Variants in ANKRD62 observed in about 807,000 individuals in gnomAD.
ANKRD62 encodes ankyrin repeat domain 62.
ANKRD62 carries 61 observed loss-of-function variants against 98.8 expected under a neutral mutation model. That is an observed-to-expected ratio of 0.62 (90% CI 0.50 to 0.76). The LOEUF (loss-of-function observed/expected upper bound fraction) is 0.76. Ranked by LOEUF, ANKRD62 falls within the 30% of genes least tolerant of loss-of-function variation. The pLI is 0.00. For synonymous variants in ANKRD62, 341 were observed against 367.9 expected (o/e 0.93, Z 0.84); for missense variants, 933 against 1,082.9 (o/e 0.86, Z 1.94).
chr18:12,168,517 A>G, the ANKRD62 span, among the ~76,000 whole-genome samples: 2 of 152,328 alleles, frequency 1.3e-5, no homozygotes, highest in South Asian at 2.1e-4. Context: ...TACCATTACC[A>G]TGCTGTTCTG....
rs780949882 is a variant in ANKRD62 at position 12,122,335 on chromosome 18, A to G, written c.1273A>G (p.Thr425Ala). 2.7e-5 allele frequency: 41 copies of G among 1,535,004 alleles called. No homozygotes were observed. Among genetic ancestry groups the G allele is most frequent in the Non-Finnish European group, 3.6e-5 (41 of 1,146,502 alleles). Residue 425 changes from threonine to alanine, a missense_variant, in exon 11 of 14, where the codon ACA becomes GCA. Transcript: ENST00000587848. ...TAGCCTATCGAAAAGCAAGAATGCA[A>G]CAGCTGCATGTGGAAGATCAATAGA... is the stretch of plus-strand genomic sequence containing the variant. ...FVSLSKSKNA[T>A]AACGRSIEDQ...
the ANKRD62 span, among the ~76,000 whole-genome samples, chr18:12,181,230 CATAAATT>C: frequency 1.3e-5 from 2 of 151,668 alleles, no homozygotes; most frequent in Non-Finnish European, 2.9e-5. Context: ...ATAAAAATAC[CATAAATT>C]GTGACCAATA....
intron 1 of ANKRD62, among the ~76,000 whole-genome samples, chr18:12,094,944 G>T (rs1200574973): frequency 2.9e-5 from 4 of 135,888 alleles, no homozygotes; most frequent in Non-Finnish European, 6.4e-5. Flanking sequence ...TGCAAGGGTG[G>T]GGGTGGGGGT....
At chr18:12,165,606 G>A in the ANKRD62 span, among the ~76,000 whole-genome samples, 2 of 151,924 alleles carry the variant, frequency 1.3e-5, no homozygotes, top group East Asian at 3.9e-4. Flanking sequence ...ATTGTACTGT[G>A]TATGTCTTGA....
the ANKRD62 span, among the ~76,000 whole-genome samples, chr18:12,167,957 T>C: frequency 6.6e-6 from 1 of 152,240 alleles, no homozygotes. Flanking sequence ...TCATATGCTT[T>C]GCCCACTTTT....
At chr18:12,174,096 G>A in the ANKRD62 span, among the ~76,000 whole-genome samples, 1 of 152,166 alleles carries the variant, frequency 6.6e-6, no homozygotes, top group East Asian at 1.9e-4. Flanking sequence ...ATTCCAAGTT[G>A]CTTCCATTCT....
the ANKRD62 span, among the ~76,000 whole-genome samples, chr18:12,157,742 G>A: frequency 1.3e-5 from 2 of 152,170 alleles, no homozygotes; most frequent in African/African-American, 4.8e-5. Context: ...TTATGGACAA[G>A]GAGGAGGCTG....
chr18:12,156,169 G>A, the ANKRD62 span, among the ~76,000 whole-genome samples: 4 of 150,372 alleles, frequency 2.7e-5, no homozygotes, highest in Non-Finnish European at 5.9e-5. Context: ...CACCATAATT[G>A]GAAGCTTCCT....
At chr18:12,119,249 G>A (rs1374947721) in intron 10 of ANKRD62, among the ~76,000 whole-genome samples, 1 of 151,226 alleles carries the variant, frequency 6.6e-6, no homozygotes, top group African/African-American at 2.4e-5. Flanking sequence ...TCTGAAATTA[G>A]TAATTTGTAT....
chr18:12,168,190 T>C, the ANKRD62 span, among the ~76,000 whole-genome samples: 1 of 152,234 alleles, frequency 6.6e-6, no homozygotes, highest in Non-Finnish European at 1.5e-5. Flanking sequence ...TTTGGTGTTT[T>C]AGTCATGAAG....
At chr18:12,102,683 AT>A (rs1909329933) in intron 6 of ANKRD62, 2 of 1,021,784 alleles carry the variant, frequency 2.0e-6, no homozygotes, top group Non-Finnish European at 2.4e-6. Flanking sequence ...AGAGGAAGAC[AT>A]TTCAGATATA....
At chr18:12,095,717 C>T (rs756560864) in intron 3 of ANKRD62, 107 bp downstream of exon 3, 9 of 1,047,202 alleles carry the variant, frequency 8.6e-6, no homozygotes, top group Non-Finnish European at 1.2e-5. Flanking sequence ...AAATATATTA[C>T]GTGCAAATAT....
chr18:12,174,728 GC>G, the ANKRD62 span, among the ~76,000 whole-genome samples: 1 of 152,192 alleles, frequency 6.6e-6, no homozygotes, highest in African/African-American at 2.4e-5. Context: ...GGTGGTTTCA[GC>G]CCACTGGCTT....
the ANKRD62 span, among the ~76,000 whole-genome samples, chr18:12,168,912 A>G: frequency 6.6e-6 from 1 of 152,154 alleles, no homozygotes; most frequent in Non-Finnish European, 1.5e-5. Flanking sequence ...GAATGGAAGT[A>G]CACTCATGAT....
chr18:12,138,341 T>A, the ANKRD62 span, among the ~76,000 whole-genome samples: 1 of 152,234 alleles, frequency 6.6e-6, no homozygotes, highest in African/African-American at 2.4e-5. Context: ...TCAGTTTCCA[T>A]GTAGTTGAGC....
At chr18:12,172,246 G>T in the ANKRD62 span, among the ~76,000 whole-genome samples, 2 of 152,188 alleles carry the variant, frequency 1.3e-5, no homozygotes, top group Non-Finnish European at 2.9e-5. Flanking sequence ...CAGCTTTTCT[G>T]CTCTGGTTTC....
the ANKRD62 span, among the ~76,000 whole-genome samples, chr18:12,169,366 C>G: frequency 3.3e-5 from 5 of 152,120 alleles, no homozygotes; most frequent in East Asian, 9.6e-4. Flanking sequence ...TGTTGAAGGC[C>G]TTTTCTGCAT....
At chr18:12,151,275 T>C in the ANKRD62 span, among the ~76,000 whole-genome samples, 43,831 of 152,086 alleles carry the variant, frequency 0.29, 7,277 homozygotes, top group Middle Eastern at 0.39. Context: ...CATGAGCACC[T>C]AGGTTCATAA....
downstream of ANKRD62, among the ~76,000 whole-genome samples, chr18:12,131,106 T>A (rs1007253685): frequency 6.6e-5 from 10 of 152,224 alleles, no homozygotes; most frequent in African/African-American, 2.4e-4. Context: ...ATGCGGGTGC[T>A]CAAAAAGTTT....
Sources: allele counts gnomAD v4.1 joint callset (sites outside exome capture counted in the v4.1 genomes callset), GRCh38; gene constraint gnomAD v4.1.1; transcripts MANE v1.5; gene names NCBI Gene and HGNC (gene_info 2026-07-23, HGNC 2026-07-21).